RETREG1: variants seen among roughly 807,000 people sequenced by gnomAD.
RETREG1 encodes family with sequence similarity 134 member B.
In RETREG1, 44 loss-of-function variants were observed where a neutral mutation model predicts 54.8. The observed-to-expected ratio is 0.80, with a 90% CI of 0.63 to 1.03. The LOEUF is 1.03. Ranked by LOEUF, RETREG1 falls within the 50% of genes least tolerant of loss-of-function variation. RETREG1 has a pLI of 0.00. For synonymous variants in RETREG1, 217 were observed against 238.5 expected, an observed-to-expected ratio of 0.91 and a Z score of 0.83; for missense variants, 554 against 605.1, an observed-to-expected ratio of 0.92 and a Z score of 0.89.
intron 3 of RETREG1, among the ~76,000 whole-genome samples, chr5:16,486,355 A>T (rs1739019243): frequency 6.6e-6 from 1 of 152,212 alleles, no homozygotes; most frequent in African/African-American, 2.4e-5. Flanking sequence ...GCTCCCTGGG[A>T]GTTTAACAAT....
At chr5:16,507,489 C>CT (rs1740003640) in intron 3 of RETREG1, among the ~76,000 whole-genome samples, 1 of 152,204 alleles carries the variant, frequency 6.6e-6, no homozygotes. Context: ...ATATCCCACT[C>CT]TAAGCATTTC....
chr5:16,482,960 A>T (rs570440049), intron 4 of RETREG1: 1 of 165,852 alleles, frequency 6.0e-6, no homozygotes, highest in Non-Finnish European at 1.3e-5. Flanking sequence ...AGATTCAGTT[A>T]TCTCCAAAAG....
At chr5:16,550,600 G>C (rs1579675105) in intron 3 of RETREG1, among the ~76,000 whole-genome samples, 1 of 152,176 alleles carries the variant, frequency 6.6e-6, no homozygotes, top group African/African-American at 2.4e-5. Context: ...AAGCCATCCA[G>C]CCCTGCTGCA....
At chr5:16,540,718 G>A (rs1741214474) in intron 3 of RETREG1, among the ~76,000 whole-genome samples, 1 of 152,138 alleles carries the variant, frequency 6.6e-6, no homozygotes, top group Non-Finnish European at 1.5e-5. Context: ...AACCAAACAG[G>A]AAACAACAGG....
intron 3 of RETREG1, 43 bp from the exon 4 acceptor site, chr5:16,483,515 G>A (rs1167995260): frequency 6.9e-6 from 11 of 1,604,578 alleles, no homozygotes; most frequent in Non-Finnish European, 9.4e-6. Flanking sequence ...AACTTTGGAT[G>A]ATTCATTCAA....
chr5:16,497,209 A>G (rs1288623609), intron 3 of RETREG1, among the ~76,000 whole-genome samples: 13 of 152,172 alleles, frequency 8.5e-5, no homozygotes, highest in Non-Finnish European at 1.8e-4. Context: ...TCCATTTTCC[A>G]GATAAGAAAG....
intron 3 of RETREG1, among the ~76,000 whole-genome samples, chr5:16,547,963 T>C (rs983454421): frequency 6.6e-6 from 1 of 152,178 alleles, no homozygotes; most frequent in Non-Finnish European, 1.5e-5. Context: ...AAAGTAGCCA[T>C]CTTTAAAAAT....
intron 8 of RETREG1, among the ~76,000 whole-genome samples, chr5:16,476,108 C>G (rs368679857): frequency 6.6e-6 from 1 of 152,034 alleles, no homozygotes; most frequent in Non-Finnish European, 1.5e-5. Flanking sequence ...CTTGAATGAC[C>G]TTCAGCAATG....
intron 3 of RETREG1, among the ~76,000 whole-genome samples, chr5:16,530,334 T>C (rs913403519): frequency 6.6e-6 from 1 of 152,354 alleles, no homozygotes; most frequent in Non-Finnish European, 1.5e-5. Flanking sequence ...TGGGTGCTCA[T>C]GCTGGCTCTA....
intron 3 of RETREG1, among the ~76,000 whole-genome samples, chr5:16,556,764 G>T (rs1337304332): frequency 6.6e-6 from 1 of 152,144 alleles, no homozygotes; most frequent in Admixed American, 6.5e-5. Context: ...TATGCAATCA[G>T]GTACGGGTCT....
chr5:16,607,444 T>G (rs1284125895), intron 1 of RETREG1, among the ~76,000 whole-genome samples: 1 of 152,036 alleles, frequency 6.6e-6, no homozygotes, highest in Non-Finnish European at 1.5e-5. Context: ...TAAAACCCTG[T>G]CTCTACTAAA....
chr5:16,607,950 G>C (rs1313569530), intron 1 of RETREG1, among the ~76,000 whole-genome samples: 1 of 151,736 alleles, frequency 6.6e-6, no homozygotes, highest in East Asian at 2.0e-4. Flanking sequence ...CGTGATCTCA[G>C]CTCACTGCAA....
At chr5:16,518,356 CGAG>C (rs891209215) in intron 3 of RETREG1, among the ~76,000 whole-genome samples, 8 of 148,336 alleles carry the variant, frequency 5.4e-5, no homozygotes, top group African/African-American at 1.5e-4. Flanking sequence ...AAGGACAAGG[CGAG>C]GAGGAGGAGG....
chr5:16,575,327 T>G (rs555077114), intron 1 of RETREG1, among the ~76,000 whole-genome samples: 9 of 152,266 alleles, frequency 5.9e-5, no homozygotes, highest in African/African-American at 2.2e-4. Flanking sequence ...AACCTGCAAA[T>G]GTTCGAACAG....
chr5:16,514,311 G>A (rs1410810575), intron 3 of RETREG1, among the ~76,000 whole-genome samples: 4 of 152,094 alleles, frequency 2.6e-5, no homozygotes, highest in African/African-American at 9.7e-5. Context: ...GAGCCCAAAG[G>A]TCCTGTTTTC....
intron 8 of RETREG1, among the ~76,000 whole-genome samples, chr5:16,476,879 C>T (rs989098753): frequency 6.6e-6 from 1 of 151,994 alleles, no homozygotes; most frequent in Admixed American, 6.6e-5. Context: ...ACTTGCACAT[C>T]CTGCACATGT....
intron 1 of RETREG1, among the ~76,000 whole-genome samples, chr5:16,605,299 T>C (rs1224512410): frequency 6.6e-6 from 1 of 152,202 alleles, no homozygotes; most frequent in African/African-American, 2.4e-5. Context: ...TATACCCATC[T>C]TTCCCCTGGG....
At chr5:16,520,296 T>C (rs561838914) in intron 3 of RETREG1, among the ~76,000 whole-genome samples, 69 of 148,044 alleles carry the variant, frequency 4.7e-4, no homozygotes, top group Non-Finnish European at 8.5e-4. Flanking sequence ...TTCTAATCAA[T>C]AGTTTTTTGG....
At chr5:16,590,003 A>C (rs913655155) in intron 1 of RETREG1, among the ~76,000 whole-genome samples, 1 of 152,224 alleles carries the variant, frequency 6.6e-6, no homozygotes, top group Non-Finnish European at 1.5e-5. Context: ...GAGGATGTCC[A>C]TGCTCATGTC....
Sources: allele counts gnomAD v4.1 joint callset (sites outside exome capture counted in the v4.1 genomes callset), GRCh38; gene constraint gnomAD v4.1.1; transcripts MANE v1.5; gene names NCBI Gene and HGNC (gene_info 2026-07-23, HGNC 2026-07-21).